The following THSD7B variants were observed in gnomAD, a reference collection of about 807,000 sequenced individuals.
THSD7B encodes the protein thrombospondin type 1 domain containing 7B.
Under a neutral mutation model 213.6 loss-of-function variants are expected in THSD7B, and 138 were observed. The observed-to-expected ratio is 0.65, with a 90% CI of 0.56 to 0.74. THSD7B has a LOEUF of 0.74. THSD7B is among the 30% of genes least tolerant of loss of function. The pLI, the probability that THSD7B is intolerant of heterozygous loss-of-function variation, is 0.00. For synonymous variants in THSD7B, 742 were observed against 687.0 expected (o/e 1.08, Z -1.25); for missense variants, 1,931 against 1,991.5 (o/e 0.97, Z 0.58).
chr2:137,013,055 C>A (rs919957551), intron 2 of THSD7B, among the ~76,000 whole-genome samples: 1 of 151,922 alleles, frequency 6.6e-6, no homozygotes, highest in Non-Finnish European at 1.5e-5. Context: ...TTCAGGTGAA[C>A]AAGACTATGA....
intron 2 of THSD7B, among the ~76,000 whole-genome samples, chr2:136,940,045 A>G (rs1052915404): frequency 1.3e-5 from 2 of 152,136 alleles, no homozygotes; most frequent in South Asian, 2.1e-4. Context: ...ACTAACCCCC[A>G]AATAAGTTTG....
chr2:137,510,509 CAT>C (rs553524973), intron 15 of THSD7B, among the ~76,000 whole-genome samples: 136 of 152,234 alleles, frequency 8.9e-4, no homozygotes, highest in Non-Finnish European at 1.3e-3. Flanking sequence ...AAAGGAAATA[CAT>C]ATGTGTGTGT....
intron 21 of THSD7B, among the ~76,000 whole-genome samples, chr2:137,647,403 C>G (rs967015360): frequency 6.6e-6 from 1 of 151,424 alleles, no homozygotes; most frequent in Non-Finnish European, 1.5e-5. Flanking sequence ...GTCCCTACTC[C>G]GATCTCTCTC....
intron 1 of THSD7B, among the ~76,000 whole-genome samples, chr2:136,855,303 T>A (rs1375538030): frequency 6.6e-6 from 1 of 152,168 alleles, no homozygotes; most frequent in East Asian, 1.9e-4. Context: ...TCTACCCTAT[T>A]CACACACCAC....
At chr2:137,298,291 AC>A (rs1221271657) in intron 12 of THSD7B, among the ~76,000 whole-genome samples, 5 of 152,128 alleles carry the variant, frequency 3.3e-5, no homozygotes, top group Admixed American at 3.3e-4. Flanking sequence ...GATTTAGGGT[AC>A]CTGGTGGAAG....
intron 24 of THSD7B, among the ~76,000 whole-genome samples, chr2:137,658,843 T>G (rs1683288376): frequency 1.3e-5 from 2 of 152,338 alleles, no homozygotes; most frequent in South Asian, 4.1e-4. Context: ...AACTATAAAC[T>G]ATAATGGGTT....
intron 15 of THSD7B, among the ~76,000 whole-genome samples, chr2:137,502,682 T>C (rs1377248376): frequency 2.6e-5 from 4 of 152,182 alleles, no homozygotes; most frequent in Non-Finnish European, 4.4e-5. Context: ...AACTTGGATA[T>C]TTAATCCTTG....
At chr2:137,037,867 A>G (rs958655155) in intron 2 of THSD7B, among the ~76,000 whole-genome samples, 5 of 152,174 alleles carry the variant, frequency 3.3e-5, no homozygotes, top group African/African-American at 1.2e-4. Context: ...ATTAAGGAGG[A>G]TGTTTTAAGT....
chr2:136,951,233 A>G (rs1558864681), intron 2 of THSD7B, among the ~76,000 whole-genome samples: 1 of 152,198 alleles, frequency 6.6e-6, no homozygotes, highest in Non-Finnish European at 1.5e-5. Context: ...TTATTGAGCA[A>G]TTTAAGGCTG....
intron 9 of THSD7B, among the ~76,000 whole-genome samples, chr2:137,234,595 T>G (rs1681723932): frequency 6.6e-6 from 1 of 152,152 alleles, no homozygotes; most frequent in Admixed American, 6.5e-5. Context: ...GACCTTTCTC[T>G]TCTCCTAAAT....
At chr2:137,589,668 T>C (rs1297204243) in intron 17 of THSD7B, among the ~76,000 whole-genome samples, 3 of 152,224 alleles carry the variant, frequency 2.0e-5, no homozygotes, top group Non-Finnish European at 4.4e-5. Flanking sequence ...TCTGGTTTCT[T>C]AGTATTTTAA....
intron 7 of THSD7B, among the ~76,000 whole-genome samples, chr2:137,180,272 G>A (rs1449955447): frequency 6.6e-6 from 1 of 152,138 alleles, no homozygotes; most frequent in Non-Finnish European, 1.5e-5. Flanking sequence ...TGGCTGTTAT[G>A]TGAGACAATA....
chr2:136,851,131 G>A (rs1683092322), intron 1 of THSD7B, among the ~76,000 whole-genome samples: 1 of 151,948 alleles, frequency 6.6e-6, no homozygotes, highest in African/African-American at 2.4e-5. Context: ...ATCTAAATAT[G>A]AATTTATCTT....
chr2:136,808,894 A>G (rs1293182621), intron 1 of THSD7B, among the ~76,000 whole-genome samples: 1 of 152,162 alleles, frequency 6.6e-6, no homozygotes, highest in Non-Finnish European at 1.5e-5. Context: ...TGCCTAAGTT[A>G]TCTTTTTAAG....
At chr2:137,283,930 A>G (rs1265454179) in intron 12 of THSD7B, among the ~76,000 whole-genome samples, 1 of 151,954 alleles carries the variant, frequency 6.6e-6, no homozygotes, top group Non-Finnish European at 1.5e-5. Flanking sequence ...AGTTAGGGAG[A>G]ATTCCCTCTT....
intron 17 of THSD7B, among the ~76,000 whole-genome samples, chr2:137,598,411 T>C (rs1214424383): frequency 7.2e-5 from 11 of 152,172 alleles, no homozygotes; most frequent in Non-Finnish European, 5.9e-5. Context: ...TTCTTCAGCA[T>C]TTAGGACCCA....
chr2:137,655,739 C>G (rs1683224513), intron 22 of THSD7B, 79 bp downstream of exon 22: 1 of 1,428,672 alleles, frequency 7.0e-7, no homozygotes, highest in East Asian at 2.5e-5. Flanking sequence ...TAGAGATGCT[C>G]TAGCTCATCA....
At chr2:137,102,716 ACAG>A (rs1405474683) in intron 4 of THSD7B, among the ~76,000 whole-genome samples, 1 of 152,222 alleles carries the variant, frequency 6.6e-6, no homozygotes, top group Non-Finnish European at 1.5e-5. Context: ...TCTGAAAAAC[ACAG>A]CATGAGAACT....
intron 17 of THSD7B, among the ~76,000 whole-genome samples, chr2:137,609,843 G>A (rs1010789695): frequency 2.0e-5 from 3 of 152,280 alleles, no homozygotes; most frequent in East Asian, 3.9e-4. Context: ...AAGAGTGATA[G>A]TGACTTTTAC....
Sources: gnomAD v4.1 joint callset for allele counts (sites outside exome capture counted in the v4.1 genomes callset) on GRCh38, gnomAD v4.1.1 for gene constraint, MANE v1.5 for transcripts, NCBI Gene and HGNC (gene_info 2026-07-23, HGNC 2026-07-21) for gene names.